The following MELTF variants were observed in gnomAD, a reference collection of about 807,000 sequenced individuals.
MELTF encodes the protein melanotransferrin.
In MELTF, 67 loss-of-function variants were observed where a neutral mutation model predicts 83.7. That is an observed-to-expected ratio of 0.80 (90% CI 0.66 to 0.98). The LOEUF (loss-of-function observed/expected upper bound fraction) is 0.98, where lower values mean the gene tolerates loss of function less well. Among genes scored for constraint, MELTF ranks in the 50% least tolerant of loss-of-function variants. MELTF has a pLI of 0.00. For synonymous variants in MELTF, 462 were observed against 447.6 expected (o/e 1.03, Z -0.41); for missense variants, 1,002 against 1,035.6 (o/e 0.97, Z 0.44).
At chr3:197,019,596 A>C (rs775013390) in intron 6 of MELTF, 1 of 1,588,218 alleles carries the variant, frequency 6.3e-7, no homozygotes, top group South Asian at 1.1e-5. Flanking sequence ...AGTTTGAAAG[A>C]GCTGATTCTT....
In MELTF at chr3:197,022,458, A is replaced by G. The variant is rs1383205669; in HGVS notation, c.644+499T>C. 6.6e-6 allele frequency among the ~76,000 whole-genome samples: 1 copy of G among 152,182 alleles called. No homozygotes were observed. Among genetic ancestry groups the G allele is most frequent in the East Asian group, 1.9e-4 (1 of 5,198 alleles). On this transcript the variant is annotated intron_variant, in intron 5 of 15. Transcript: ENST00000296350. This position sits in a 1 kb window ranked among gnomAD's most constrained non-coding sequence, Gnocchi z 5.1. ...CTCCAGGTGGAAACGTGAGGTAGCT[A>G]GAGGGGCCCGAGAAGCTTCCTTTCC...
At chr3:197,016,100 T>C (rs1034754815) in intron 8 of MELTF, 89 bp downstream of exon 8, 10 of 1,217,264 alleles carry the variant, frequency 8.2e-6, no homozygotes, top group Non-Finnish European at 1.1e-5. Flanking sequence ...CTGGTGAGCG[T>C]CTTCCCCCGG....
chr3:197,016,172 G>A lies in MELTF; in HGVS notation c.1081+17C>T. 1 of 1,496,688 alleles carries A rather than the reference G, an allele frequency of 6.7e-7. No homozygotes were observed. Among genetic ancestry groups the A allele is most frequent in the Non-Finnish European group, 8.9e-7 (1 of 1,118,706 alleles). The allele number at this position is 1,496,688 out of a possible 1,614,324, so 92.7% of individuals were successfully genotyped here. On this transcript the variant is annotated intron_variant, in intron 8 of 15. Transcript: ENST00000296350. ...AGCTGGGCTGGAGCTGGCAGCAGTG[G>A]GGACAGGTGGACTTACGGTTGGGGT...
intron 7 of MELTF, 34 bp from the exon 8 acceptor site, chr3:197,016,403 G>A (rs1251869873): frequency 1.4e-6 from 2 of 1,466,822 alleles, no homozygotes; most frequent in Non-Finnish European, 1.8e-6. Context: ...AGGGTGGTGA[G>A]GGTGCTGACA....
intron 9 of MELTF, 37 bp from the exon 10 acceptor site, chr3:197,010,831 G>A: frequency 1.9e-6 from 3 of 1,587,394 alleles, no homozygotes; most frequent in Non-Finnish European, 1.7e-6. Context: ...GCCGGGGTGG[G>A]CCCAGGATGG....
chr3:197,012,082 C>T (rs3821716), intron 9 of MELTF, among the ~76,000 whole-genome samples: 24,227 of 152,212 alleles, frequency 0.16, 2,164 homozygotes, highest in Middle Eastern at 0.31. Context: ...CACACACAGT[C>T]GCGCTCAGCT....
At chr3:197,012,256 C>T (rs2148581893) in intron 9 of MELTF, among the ~76,000 whole-genome samples, 1 of 152,316 alleles carries the variant, frequency 6.6e-6, no homozygotes, top group East Asian at 1.9e-4. Context: ...TGTGGGGAGG[C>T]TCATACAGCA....
At chr3:197,010,227 G>A (rs932545000) in intron 10 of MELTF, among the ~76,000 whole-genome samples, 1 of 152,200 alleles carries the variant, frequency 6.6e-6, no homozygotes, top group African/African-American at 2.4e-5. Flanking sequence ...CCAGTAAGAG[G>A]ACAGAGGCCA....
At position 197,009,786 on chromosome 3, in the gene MELTF, C is replaced by CGTAGTACGAGTTGCT. The variant is rs754680180; in HGVS notation, c.1342_1356dup (p.Ser448_Tyr452dup). 2 of 1,612,454 alleles carry CGTAGTACGAGTTGCT rather than the reference C, an allele frequency of 1.2e-6. No individual in the cohort carries two copies. On this transcript the variant is annotated inframe_insertion, in exon 11 of 16. Transcript: ENST00000296350. The stretch of plus-strand genomic sequence containing the variant: ...CTGTCCCGTCTCACCACGGCCACCA[C>CGTAGTACGAGTTGCT]GTAGTACGAGTTGCTGCTGTCTTCC...
At chr3:197,010,614 A>T (rs1719151340) in intron 10 of MELTF, 84 bp downstream of exon 10, 1 of 1,208,250 alleles carries the variant, frequency 8.3e-7, no homozygotes, top group Admixed American at 1.8e-5. Flanking sequence ...GAGCTTTTGA[A>T]AATGGCTGAG....
intron 2 of MELTF, among the ~76,000 whole-genome samples, chr3:197,027,224 T>C (rs911607594): frequency 3.3e-5 from 5 of 152,142 alleles, no homozygotes; most frequent in African/African-American, 1.2e-4. Context: ...TGGGGGCATA[T>C]GGGGGGCAGA....
chr3:197,010,905 C>A, intron 9 of MELTF, 111 bp from the exon 10 acceptor site: 1 of 895,998 alleles, frequency 1.1e-6, no homozygotes, highest in Non-Finnish European at 1.8e-6. Context: ...TGGCCTCAGG[C>A]TTCCTTCCCC....
chr3:197,021,041 G>A (rs1300487003), intron 6 of MELTF, among the ~76,000 whole-genome samples: 1 of 152,206 alleles, frequency 6.6e-6, no homozygotes, highest in Non-Finnish European at 1.5e-5. Context: ...AAAATGCCAG[G>A]AAGGGCTGGT....
intron 1 of MELTF, 130 bp from the exon 2 acceptor site, chr3:197,028,040 C>T: frequency 9.2e-7 from 1 of 1,085,442 alleles, no homozygotes; most frequent in Non-Finnish European, 1.3e-6. Flanking sequence ...CAGCCCTGCC[C>T]TCCCACAGGG....
Position 197,027,887 on chromosome 3 carries a change from A to G in MELTF, c.73T>C (p.Trp25Arg). ...RTVLGGMEVR[W>R]CATSDPEQHK... Reference sequence around the variant, plus strand: ...TGCTCTGGGTCCGAGGTGGCGCACCACCGCACCTCCATGCCACCGAGCACT... The same window carrying G: ...TGCTCTGGGTCCGAGGTGGCGCACCGCCGCACCTCCATGCCACCGAGCACT... Residue 25 changes from tryptophan to arginine, a missense_variant, in exon 2 of 16, where the codon TGG becomes CGG. Coordinates refer to ENST00000296350, the MANE Select transcript of MELTF (RefSeq NM_005929.6). 1 of 1,601,162 alleles carries G rather than the reference A, an allele frequency of 6.2e-7. No individual in the cohort carries two copies. Among genetic ancestry groups the G allele is most frequent in the African/African-American group, 1.3e-5 (1 of 74,870 alleles).
rs758831042 is a variant in MELTF, at chr3:197,010,798, A to G, written c.1234-4T>C. ...TCACAGCGTCGACCTGCTCAGCCTG[A>G]AGGGAATAGAAGAAGCCACTGGGCC... On this transcript the variant is annotated splice_polypyrimidine_tract_variant and splice_region_variant and intron_variant, in intron 9 of 15. Coordinates refer to ENST00000296350, the MANE Select transcript of MELTF (RefSeq NM_005929.6). The G allele has an allele frequency of 6.2e-7, 1 of 1,613,132 alleles. No homozygotes were observed. The highest frequency in any genetic ancestry group is 8.5e-7 in the Non-Finnish European group (1 of 1,179,928).
chr3:197,009,224 T>A (rs1487045984), intron 11 of MELTF, among the ~76,000 whole-genome samples: 5 of 152,282 alleles, frequency 3.3e-5, no homozygotes, highest in South Asian at 4.1e-4. Flanking sequence ...GGGACAGGGA[T>A]CTCACTACCT....
intron 1 of MELTF, 192 bp from the exon 2 acceptor site, chr3:197,028,102 C>T (rs1264924140): frequency 8.0e-6 from 5 of 627,260 alleles, no homozygotes; most frequent in Non-Finnish European, 1.4e-5. Flanking sequence ...TGCTCAGGGC[C>T]TCTCTGACCA....
rs1242675567 is a variant in MELTF at position 197,003,991 on chromosome 3, C to A, written c.2047G>T (p.Val683Phe). 1.2e-6 allele frequency: 2 copies of A among 1,614,194 alleles called. No homozygotes were observed. Among genetic ancestry groups the A allele is most frequent in the Non-Finnish European group, 1.7e-6 (2 of 1,180,034 alleles). The change falls in exon 15 of 16, where the codon GTC becomes TTC. Residue 683 changes from valine (V) to phenylalanine (F), a missense_variant. By Grantham distance (50) the Val-to-Phe change is conservative. Coordinates refer to ENST00000296350, the MANE Select transcript of MELTF (RefSeq NM_005929.6). The surrounding 1 kb of genome is among the most constrained non-coding windows in gnomAD (Gnocchi z 6.2). ...FKDATVRAVP[V>F]GEKTTYRGWL... Reference sequence around the variant, plus strand: ...CCGCGGTAGGTGGTTTTCTCTCCGACAGGCACCGCCCGGACGGTGGCATCC... The same window carrying A: ...CCGCGGTAGGTGGTTTTCTCTCCGAAAGGCACCGCCCGGACGGTGGCATCC...
Sources: gnomAD v4.1 joint callset for allele counts (sites outside exome capture counted in the v4.1 genomes callset) on GRCh38, gnomAD v4.1.1 for gene constraint, Gnocchi (gnomAD v3.1) non-coding constraint, MANE v1.5 for transcripts, NCBI Gene and HGNC (gene_info 2026-07-23, HGNC 2026-07-21) for gene names.